The following WDR4 variants were observed in gnomAD, a reference collection of about 807,000 sequenced individuals.
WDR4 encodes WDR4 tRNA N7-guanosine methyltransferase non-catalytic subunit.
A neutral mutation model predicts 48.6 loss-of-function variants in WDR4; 47 were observed. The ratio of observed to expected loss-of-function variants is 0.97; its 90% CI spans 0.77 to 1.23. WDR4 has a LOEUF of 1.23. Among genes scored for constraint, WDR4 ranks in the 50% most tolerant of loss-of-function variants. The probability of loss-of-function intolerance (pLI) is 0.00; values close to 1 mark genes in which losing one functional copy is unlikely to be tolerated. For synonymous variants in WDR4, 268 were observed against 230.0 expected, an observed-to-expected ratio of 1.17 and a Z score of -1.49; for missense variants, 606 against 551.6, an observed-to-expected ratio of 1.10 and a Z score of -0.99.
At chr21:42,878,965 G>A (rs2058564646) in intron 1 of WDR4, 17 of 993,472 alleles carry the variant, frequency 1.7e-5, no homozygotes, top group Non-Finnish European at 2.0e-5. Flanking sequence ...CAGTGAGCTC[G>A]CAGTGAGTAA....
chr21:42,845,590 C>T (rs2057704047), downstream of WDR4, among the ~76,000 whole-genome samples: 1 of 152,148 alleles, frequency 6.6e-6, no homozygotes, highest in African/African-American at 2.4e-5. Context: ...AAGGTTAGGT[C>T]TGGATCGAAG....
At chr21:42,863,742 T>C in intron 3 of WDR4, 146 bp from the exon 4 acceptor site, 1 of 831,968 alleles carries the variant, frequency 1.2e-6, no homozygotes, top group Non-Finnish European at 1.9e-6. Flanking sequence ...CCAAAAAAAT[T>C]AAGCAATGCT....
At chr21:42,872,642 T>C (rs542095943) in intron 3 of WDR4, among the ~76,000 whole-genome samples, 2 of 140,548 alleles carry the variant, frequency 1.4e-5, no homozygotes, top group South Asian at 4.5e-4. Context: ...GAAATAAAAA[T>C]CTTAAAGACA....
In WDR4 at chr21:42,849,841, T is replaced by C. The variant is rs185558617; in HGVS notation, c.*208A>G. 5.2e-4 allele frequency: 298 copies of C among 578,422 alleles called. No individual in the cohort carries two copies. Among genetic ancestry groups the C allele is most frequent in the African/African-American group, 4.2e-3 (218 of 51,684 alleles). 35.8% of individuals were successfully genotyped at this position (578,422 alleles called of 1,614,324 possible). On this transcript the variant is annotated 3_prime_UTR_variant, in exon 11 of 11. Coordinates refer to ENST00000398208, the MANE Select transcript of WDR4 (RefSeq NM_018669.6). ...TCCACTCCACTGGTCTGGCTTCCCTTCAACCAGAAAGGGGGCACAGGCACC... is the reference window on the plus strand; with the variant it reads ...TCCACTCCACTGGTCTGGCTTCCCTCCAACCAGAAAGGGGGCACAGGCACC...
At chr21:42,846,926 TAGG>T (rs1163635983), downstream of WDR4, among the ~76,000 whole-genome samples, 1 of 151,468 alleles carries the variant, frequency 6.6e-6, no homozygotes, top group East Asian at 1.9e-4. Context: ...GAGGCTGAGG[TAGG>T]AGAATCGCTT....
At chr21:42,872,621 A>C (rs1294907707) in intron 3 of WDR4, among the ~76,000 whole-genome samples, 3 of 151,612 alleles carry the variant, frequency 2.0e-5, no homozygotes, top group Non-Finnish European at 4.4e-5. Flanking sequence ...AAAAAAAAAA[A>C]AAAAAAAGAT....
chr21:42,860,796 T>C (rs370719064), intron 5 of WDR4, among the ~76,000 whole-genome samples: 9 of 152,366 alleles, frequency 5.9e-5, no homozygotes, highest in African/African-American at 1.7e-4. Flanking sequence ...AGTTATCTAC[T>C]GAGCACCTAC....
At chr21:42,872,761 T>C (rs778866994) in intron 3 of WDR4, among the ~76,000 whole-genome samples, 15 of 151,662 alleles carry the variant, frequency 9.9e-5, no homozygotes, top group Admixed American at 5.3e-4. Flanking sequence ...CATGGTGAAA[T>C]CCCATCTCTA....
chr21:42,847,238 G>A (rs2057718775), downstream of WDR4, among the ~76,000 whole-genome samples: 1 of 152,244 alleles, frequency 6.6e-6, no homozygotes, highest in South Asian at 2.1e-4. Context: ...TTGCGAGGCA[G>A]TCACAGGGGA....
intron 6 of WDR4, among the ~76,000 whole-genome samples, chr21:42,857,411 ACCCTGGGTGC>A (rs2058021045): frequency 3.3e-5 from 5 of 151,996 alleles, no homozygotes; most frequent in Non-Finnish European, 5.9e-5. Context: ...CTCGGGCCCC[ACCCTGGGTGC>A]ACACACCCAG....
chr21:42,889,076 T>C, the WDR4 span, among the ~76,000 whole-genome samples: 4 of 146,000 alleles, frequency 2.7e-5, 1 homozygote, highest in African/African-American at 1.0e-4. Flanking sequence ...TAGATTGAAA[T>C]TGTTCAAGCA....
chr21:42,854,716 G>A (rs2057940400), intron 7 of WDR4, 90 bp from the exon 8 acceptor site: 8 of 1,216,546 alleles, frequency 6.6e-6, no homozygotes, highest in Admixed American at 4.8e-5. Flanking sequence ...ACCGAAGGAC[G>A]CTCACGCCCC....
At chr21:42,853,784 G>C in intron 8 of WDR4, 32 bp from the exon 9 acceptor site, 1 of 1,536,338 alleles carries the variant, frequency 6.5e-7, no homozygotes, top group Non-Finnish European at 8.8e-7. Flanking sequence ...ATGATTACTA[G>C]GACTGCAGGC....
Position 42,852,345 on chromosome 21 carries a change from ATCT to A in WDR4, c.976-24_976-22del, listed in dbSNP as rs1311055776. ...ACAGACTGCAGGCGACAAACAGGAA[ATCT>A]TCATCAGAAAGAGGCAGGCCTGGAA... On this transcript the variant is annotated intron_variant, in intron 9 of 10. Coordinates refer to ENST00000398208, the MANE Select transcript of WDR4 (RefSeq NM_018669.6). 8 of 1,613,062 alleles carry A rather than the reference ATCT, an allele frequency of 5.0e-6. No homozygotes were observed. In the African/African-American group the frequency reaches 5.3e-5, roughly 11 times the overall value.
intron 2 of WDR4, 43 bp downstream of exon 2, chr21:42,876,659 G>C (rs376395165): frequency 1.9e-6 from 3 of 1,578,762 alleles, no homozygotes; most frequent in Non-Finnish European, 2.6e-6. Context: ...TCCCATTATC[G>C]AACCATTAAA....
chr21:42,860,725 G>A (rs1413698556), intron 5 of WDR4, among the ~76,000 whole-genome samples: 2 of 152,366 alleles, frequency 1.3e-5, no homozygotes, highest in East Asian at 1.9e-4. Flanking sequence ...TTGAAAGGCC[G>A]GGAAACCAGT....
intron 5 of WDR4, among the ~76,000 whole-genome samples, chr21:42,859,976 C>T (rs866004479): frequency 2.6e-5 from 4 of 152,124 alleles, no homozygotes; most frequent in Non-Finnish European, 4.4e-5. Context: ...CAACCTCTAA[C>T]CCAGGCCGCT....
chr21:42,848,491 A>G, downstream of WDR4, among the ~76,000 whole-genome samples: 1 of 45,570 alleles, frequency 2.2e-5, no homozygotes. Flanking sequence ...TCACTCACAC[A>G]GCGCACGATC....
Position 42,862,349 on chromosome 21 carries a change from C to T in WDR4, c.499G>A (p.Glu167Lys), listed in dbSNP as rs765059645. 5.0e-6 allele frequency: 8 copies of T among 1,611,658 alleles called. No individual in the cohort carries two copies. Among genetic ancestry groups the T allele is most frequent in the Non-Finnish European group, 5.9e-6 (7 of 1,179,070 alleles). The change falls in exon 5 of 11, where the codon GAG becomes AAG. Residue 167 changes from glutamate (E) to lysine (K), a missense_variant. Transcript: ENST00000398208. The surrounding 1 kb of genome is among the most constrained non-coding windows in gnomAD (Gnocchi z 4.3). ...GCGGCCCAGCTGACTCGGATCTTCT[C>T]GTCCCGGTCGGCAGTGAGGATGAAG... ...DRFILTADRDEKIRVSWAAAP... is the reference protein window; with the variant it reads ...DRFILTADRDKKIRVSWAAAP...
Sources: allele counts gnomAD v4.1 joint callset (sites outside exome capture counted in the v4.1 genomes callset), GRCh38; gene constraint gnomAD v4.1.1; non-coding constraint Gnocchi (gnomAD v3.1); transcripts MANE v1.5; gene names NCBI Gene and HGNC (gene_info 2026-07-23, HGNC 2026-07-21).